The following MGAT4C variants were observed in gnomAD, a reference collection of about 807,000 sequenced individuals.
MGAT4C encodes the protein alpha-1,3-mannosyl-glycoprotein 4-beta-N-acetylglucosaminyltransferase C.
A neutral mutation model predicts 40.1 loss-of-function variants in MGAT4C; 19 were observed. The ratio of observed to expected loss-of-function variants is 0.47; its 90% CI spans 0.33 to 0.70. MGAT4C has a LOEUF of 0.70. MGAT4C is among the 30% of genes least tolerant of loss of function. The probability of loss-of-function intolerance (pLI) is 0.02; values close to 1 mark genes in which losing one functional copy is unlikely to be tolerated. For synonymous variants in MGAT4C, 181 were observed against 187.1 expected (o/e 0.97, Z 0.27); for missense variants, 491 against 563.2 (o/e 0.87, Z 1.30).
At position 86,707,617 on chromosome 12, in the gene MGAT4C, G is replaced by A. The variant is rs575433797; in HGVS notation, c.-229+19592C>T. 4.0e-5 allele frequency among the ~76,000 whole-genome samples: 6 copies of A among 150,120 alleles called. No individual in the cohort carries two copies. The East Asian group carries it at 7.9e-4, about 20-fold the overall frequency. On this transcript the variant is annotated intron_variant, in intron 2 of 7. Coordinates refer to the MGAT4C transcript ENST00000548651. ...ACAATCACAGCTCACTGCAACCTCC[G>A]CCTCCCAGATTCAAGTGATTCTCCT... is the stretch of plus-strand genomic sequence containing the variant.
intron 1 of MGAT4C, among the ~76,000 whole-genome samples, chr12:86,147,245 A>C (rs1253105761): frequency 1.3e-5 from 2 of 151,132 alleles, no homozygotes; most frequent in African/African-American, 4.8e-5. Context: ...AAATTTATTA[A>C]ATTTTTTTTT....
chr12:86,226,006 C>T (rs1422573132), intron 1 of MGAT4C, among the ~76,000 whole-genome samples: 1 of 151,836 alleles, frequency 6.6e-6, no homozygotes, highest in Non-Finnish European at 1.5e-5. Context: ...TCAATTGTAT[C>T]TCTTCACTGG....
At chr12:86,254,061 A>C (rs1161580623) in intron 1 of MGAT4C, among the ~76,000 whole-genome samples, 1 of 151,838 alleles carries the variant, frequency 6.6e-6, no homozygotes, top group Non-Finnish European at 1.5e-5. Context: ...CATAAGTCAG[A>C]CAAAGAACAT....
chr12:86,714,617 C>T (rs1950612763), intron 2 of MGAT4C, among the ~76,000 whole-genome samples: 1 of 152,074 alleles, frequency 6.6e-6, no homozygotes. Flanking sequence ...ATACCTTTCG[C>T]CTTCCACCAT....
chr12:86,751,495 C>A (rs2136141764), intron 1 of MGAT4C, among the ~76,000 whole-genome samples: 1 of 152,102 alleles, frequency 6.6e-6, no homozygotes, highest in East Asian at 1.9e-4. Context: ...GCTTTTCCTT[C>A]CCACTCCCTG....
chr12:86,411,572 C>T (rs1416625844), intron 3 of MGAT4C, among the ~76,000 whole-genome samples: 1 of 152,006 alleles, frequency 6.6e-6, no homozygotes. Flanking sequence ...TTGTAGTAGC[C>T]TATGCTTATA....
At chr12:86,367,857 C>G (rs1738668849) in intron 3 of MGAT4C, among the ~76,000 whole-genome samples, 1 of 152,078 alleles carries the variant, frequency 6.6e-6, no homozygotes, top group Non-Finnish European at 1.5e-5. Context: ...AAAAACAACT[C>G]TTAAACTCTT....
chr12:86,537,495 T>C (rs1959095732), intron 2 of MGAT4C, among the ~76,000 whole-genome samples: 1 of 152,054 alleles, frequency 6.6e-6, no homozygotes, highest in Non-Finnish European at 1.5e-5. Flanking sequence ...TATAAAATTA[T>C]ATATATTTTC....
chr12:86,358,558 T>C (rs1006527854), intron 3 of MGAT4C, among the ~76,000 whole-genome samples: 1 of 152,142 alleles, frequency 6.6e-6, no homozygotes, highest in Non-Finnish European at 1.5e-5. Flanking sequence ...TCAAGATCCA[T>C]CAGTGTGCCG....
chr12:86,497,111 G>A (rs1348451673), intron 2 of MGAT4C, among the ~76,000 whole-genome samples: 2 of 151,870 alleles, frequency 1.3e-5, no homozygotes, highest in African/African-American at 2.4e-5. Context: ...AATCCAGATG[G>A]CTACAATTGC....
intron 3 of MGAT4C, among the ~76,000 whole-genome samples, chr12:86,419,428 A>C (rs1956780764): frequency 6.6e-6 from 1 of 151,194 alleles, no homozygotes; most frequent in African/African-American, 2.4e-5. Context: ...TTTAAATTAT[A>C]TATAAATATA....
At chr12:86,608,886 T>C (rs1321586413) in intron 2 of MGAT4C, among the ~76,000 whole-genome samples, 1 of 152,096 alleles carries the variant, frequency 6.6e-6, no homozygotes, top group Non-Finnish European at 1.5e-5. Context: ...TCTCAAACAC[T>C]TTTTCACACT....
chr12:86,123,780 A>G (rs1879820090), intron 1 of MGAT4C, among the ~76,000 whole-genome samples: 1 of 152,122 alleles, frequency 6.6e-6, no homozygotes, highest in Non-Finnish European at 1.5e-5. Context: ...ATCTTGTTAT[A>G]TATTTGATGC....
upstream of MGAT4C, among the ~76,000 whole-genome samples, chr12:86,258,421 T>C (rs1274684186): frequency 6.6e-6 from 1 of 152,052 alleles, no homozygotes; most frequent in Non-Finnish European, 1.5e-5. Flanking sequence ...TGTTTTGCAT[T>C]TGTTTGGGTG....
Position 85,968,622 on chromosome 12 carries a change from A to G in MGAT4C, c.*10667T>C, listed in dbSNP as rs1410105762. ...TAATCTATAATCTTTCAAACTGGAT[A>G]AATGGGAAGTTTTGGAATTTTACTG... On this transcript the variant is annotated 3_prime_UTR_variant, in exon 5 of 5. Coordinates refer to ENST00000611864, the MANE Select transcript of MGAT4C (RefSeq NM_001351288.2). 1.3e-5 allele frequency: 2 copies of G among 151,972 alleles called. No homozygotes were observed. 9.4% of individuals were successfully genotyped at this position (151,972 alleles called of 1,614,324 possible).
intron 2 of MGAT4C, among the ~76,000 whole-genome samples, chr12:86,566,698 T>C (rs1960139991): frequency 6.8e-6 from 1 of 146,274 alleles, no homozygotes; most frequent in Admixed American, 7.0e-5. Flanking sequence ...ATATTATATG[T>C]ATTATATATG....
chr12:86,803,611 G>A (rs1475311340), intron 1 of MGAT4C, among the ~76,000 whole-genome samples: 1 of 149,594 alleles, frequency 6.7e-6, no homozygotes, highest in East Asian at 2.0e-4. Flanking sequence ...CGAAGGACAT[G>A]AACAGACACT....
chr12:86,377,647 CAAT>C (rs1413376361), intron 3 of MGAT4C, among the ~76,000 whole-genome samples: 1 of 152,072 alleles, frequency 6.6e-6, no homozygotes, highest in Non-Finnish European at 1.5e-5. Flanking sequence ...CACCAAAGAT[CAAT>C]AATGATTTAA....
chr12:86,771,710 GTGTGTGTGTGTGTA>G (rs1320449483), intron 1 of MGAT4C, among the ~76,000 whole-genome samples: 105 of 109,492 alleles, frequency 9.6e-4, no homozygotes, highest in African/African-American at 2.7e-3. Context: ...GTGTGTGTGT[GTGTGTGTGTGTGTA>G]TGTGTGTGTG....
Sources: gnomAD v4.1 joint callset for allele counts (sites outside exome capture counted in the v4.1 genomes callset) on GRCh38, gnomAD v4.1.1 for gene constraint, MANE v1.5 for transcripts, NCBI Gene and HGNC (gene_info 2026-07-23, HGNC 2026-07-21) for gene names.